Variants in MTARC1 observed in about 807,000 individuals in gnomAD.
The protein encoded by MTARC1 is mitochondrial amidoxime reducing component 1.
Under a neutral mutation model 33.6 loss-of-function variants are expected in MTARC1, and 24 were observed. That is an observed-to-expected ratio of 0.72 (90% CI 0.52 to 1.01). MTARC1 has a LOEUF of 1.01. MTARC1 is among the 50% of genes least tolerant of loss of function. MTARC1 has a pLI of 0.00. For missense variants in MTARC1, 417 were observed against 445.7 expected, an observed-to-expected ratio of 0.94 and a Z score of 0.58; for synonymous variants, 187 against 189.5, an observed-to-expected ratio of 0.99 and a Z score of 0.11.
intron 2 of MTARC1, chr1:220,793,467 C>G (rs1358734391): frequency 6.6e-6 from 1 of 152,206 alleles, no homozygotes; most frequent in Non-Finnish European, 1.5e-5. Flanking sequence ...AGTATACAGA[C>G]TCTTCGAGCA....
At chr1:220,790,207 G>A (rs1672378996) in intron 1 of MTARC1, among the ~76,000 whole-genome samples, 1 of 152,018 alleles carries the variant, frequency 6.6e-6, no homozygotes, top group Non-Finnish European at 1.5e-5. Flanking sequence ...GAGTGTGCTA[G>A]GTATTTTATG....
chr1:220,808,884 C>T, intron 6 of MTARC1: 1 of 471,072 alleles, frequency 2.1e-6, no homozygotes, highest in South Asian at 1.5e-5. Context: ...CACTGATCCC[C>T]ATGGTTGAAG....
chr1:220,815,046 T>A lies in MTARC1; in HGVS notation c.*1628T>A, dbSNP rs569489960. On this transcript the variant is annotated 3_prime_UTR_variant, in exon 7 of 7. Coordinates refer to ENST00000366910, the MANE Select transcript of MTARC1 (RefSeq NM_022746.4). Reference sequence around the variant, plus strand: ...GGTTGGTGAATTATTACAGTTTGTTTTCTGCATGCTTGGCATGAGGTGAAT... The same window carrying A: ...GGTTGGTGAATTATTACAGTTTGTTATCTGCATGCTTGGCATGAGGTGAAT... 6.6e-6 allele frequency: 1 copy of A among 152,374 alleles called. No homozygotes were observed. Among genetic ancestry groups the A allele is most frequent in the South Asian group, 2.1e-4 (1 of 4,826 alleles). 9.4% of individuals were successfully genotyped at this position (152,374 alleles called of 1,614,324 possible). A position where few individuals can be genotyped will look rare whatever the true frequency, so the allele number is the denominator to read the frequency against.
At position 220,798,685 on chromosome 1, in the gene MTARC1, G is replaced by A. The variant is rs72472305; in HGVS notation, c.753+671G>A. 6.0e-5 allele frequency: 46 copies of A among 762,584 alleles called. No homozygotes were observed. The East Asian group carries it at 4.4e-3, about 72-fold the overall frequency. The allele number at this position is 762,584 out of a possible 1,614,324, so 47.2% of individuals were successfully genotyped here. A position where few individuals can be genotyped will look rare whatever the true frequency, so the allele number is the denominator to read the frequency against. On this transcript the variant is annotated intron_variant, in intron 4 of 6. Coordinates refer to ENST00000366910, the MANE Select transcript of MTARC1 (RefSeq NM_022746.4). The stretch of plus-strand genomic sequence containing the variant: ...TTGGTGGCCTAGAGGCATGGTGAGT[G>A]GCCACCAGCTGTGGATACTCAACAG...
rs200533602 is a variant in MTARC1 at position 220,788,018 on chromosome 1, AG to A, written c.275+800del. Reference sequence around the variant, plus strand: ...GCGAGACTCCGAATCAAAAAAAGAAAGAAAGAAAGAAAGAGTTGTGGGGGCA... The same window carrying A: ...GCGAGACTCCGAATCAAAAAAAGAAAAAAGAAAGAAAGAGTTGTGGGGGCA... On this transcript the variant is annotated intron_variant, in intron 1 of 6. Coordinates refer to ENST00000366910, the MANE Select transcript of MTARC1 (RefSeq NM_022746.4). 2.6e-3 allele frequency among the ~76,000 whole-genome samples: 386 copies of A among 151,328 alleles called. 6 individuals carry two copies. In the East Asian group the frequency reaches 0.051, roughly 20 times the overall value.
intron 6 of MTARC1, chr1:220,809,076 C>T (rs1192208273): frequency 2.6e-6 from 1 of 385,262 alleles, no homozygotes; most frequent in Non-Finnish European, 5.1e-6. Flanking sequence ...GAGCTAAACA[C>T]AGAATATATA....
chr1:220,809,176 G>C (rs1442454417), intron 6 of MTARC1, among the ~76,000 whole-genome samples: 1 of 152,168 alleles, frequency 6.6e-6, no homozygotes, highest in East Asian at 1.9e-4. Context: ...AGTCGCTTAG[G>C]CTCTTCAAGT....
At position 220,787,006 on chromosome 1, in the gene MTARC1, G is replaced by C; in HGVS notation, c.62G>C (p.Gly21Ala). The change falls in exon 1 of 7, where the codon GGG becomes GCG. Residue 21 changes from glycine (G) to alanine (A), a missense_variant. Coordinates refer to ENST00000366910, the MANE Select transcript of MTARC1 (RefSeq NM_022746.4). ...GTCCTCCTCGCGCAATCCCGGCCCGGGTGGCTCGGGGTTGCCGCGCTGGGC... is the reference window on the plus strand; with the variant it reads ...GTCCTCCTCGCGCAATCCCGGCCCGCGTGGCTCGGGGTTGCCGCGCTGGGC... ...RFVLLAQSRP[G>A]WLGVAALGLT... 7.7e-7 allele frequency: 1 copy of C among 1,301,000 alleles called. No homozygotes were observed. The highest frequency in any genetic ancestry group is 9.7e-7 in the Non-Finnish European group (1 of 1,032,350). The allele number at this position is 1,301,000 out of a possible 1,614,324, so 80.6% of individuals were successfully genotyped here.
rs185455922 is a variant in MTARC1, at chr1:220,814,043, A to C, written c.*625A>C. 1.6e-3 allele frequency: 241 copies of C among 153,258 alleles called. No individual in the cohort carries two copies. Among genetic ancestry groups the C allele is most frequent in the Non-Finnish European group, 2.9e-3 (198 of 68,712 alleles). 9.5% of individuals were successfully genotyped at this position (153,258 alleles called of 1,614,324 possible). ...AGCATTGGATTTCCTAAAGGTGCTC[A>C]GGAGGATGGTTGTGTAGTCATGGAG... On this transcript the variant is annotated 3_prime_UTR_variant, in exon 7 of 7. Coordinates refer to ENST00000366910, the MANE Select transcript of MTARC1 (RefSeq NM_022746.4).
At chr1:220,806,438 A>G (rs567646729) in intron 6 of MTARC1, among the ~76,000 whole-genome samples, 2 of 152,304 alleles carry the variant, frequency 1.3e-5, no homozygotes, top group South Asian at 2.1e-4. Flanking sequence ...AGATGTGACT[A>G]TCTTGTATCC....
rs1673335687 is a variant in MTARC1 at position 220,819,126 on chromosome 1, A to T, written c.*5708A>T. On this transcript the variant is annotated 3_prime_UTR_variant, in exon 7 of 7. Transcript: ENST00000366910. ...ACCAAGGCTGTAATGGTTTGTTATGATGACCTTTGTTATTCCATTAGGCTC... is the reference window on the plus strand; with the variant it reads ...ACCAAGGCTGTAATGGTTTGTTATGTTGACCTTTGTTATTCCATTAGGCTC... 6.6e-6 allele frequency: 1 copy of T among 152,204 alleles called. No homozygotes were observed. The highest frequency in any genetic ancestry group is 2.4e-5 in the African/African-American group (1 of 41,436). The allele number at this position is 152,204 out of a possible 1,614,324, so 9.4% of individuals were successfully genotyped here. A position where few individuals can be genotyped will look rare whatever the true frequency, so the allele number is the denominator to read the frequency against.
At chr1:220,799,126 A>T (rs1008100562) in intron 4 of MTARC1, 101 of 985,322 alleles carry the variant, frequency 1.0e-4, no homozygotes, top group Non-Finnish European at 1.2e-4. Flanking sequence ...TGGATAATGT[A>T]ATTTATGAGA....
intron 1 of MTARC1, among the ~76,000 whole-genome samples, chr1:220,790,345 G>C (rs1672383704): frequency 6.6e-6 from 1 of 152,198 alleles, no homozygotes; most frequent in African/African-American, 2.4e-5. Context: ...CCTTGTTTAG[G>C]AGTTGGTTTT....
chr1:220,810,751 C>T (rs1248266040), intron 6 of MTARC1, among the ~76,000 whole-genome samples: 2 of 152,080 alleles, frequency 1.3e-5, no homozygotes, highest in African/African-American at 4.8e-5. Flanking sequence ...TGAGACCCCT[C>T]GGTTCTTCTC....
In MTARC1 at chr1:220,813,325, A is replaced by T; in HGVS notation, c.921A>T (p.Leu307Phe). 6.2e-7 allele frequency: 1 copy of T among 1,614,154 alleles called. No homozygotes were observed. Among genetic ancestry groups the T allele is most frequent in the Non-Finnish European group, 8.5e-7 (1 of 1,180,044 alleles). Reference sequence around the variant, plus strand: ...AGTGTGACCCTTCAGAACGAAAGTTATATGGAAAATCACCACTCTTTGGGC... The same window carrying T: ...AGTGTGACCCTTCAGAACGAAAGTTTTATGGAAAATCACCACTCTTTGGGC... ...YRQCDPSERK[L>F]YGKSPLFGQY... Residue 307 changes from leucine (L) to phenylalanine (F), a missense_variant, in exon 7 of 7, where the codon TTA becomes TTT. By Grantham distance (22) the Leu-to-Phe change is conservative. Coordinates refer to ENST00000366910, the MANE Select transcript of MTARC1 (RefSeq NM_022746.4).
Position 220,786,967 on chromosome 1 carries a change from C to A in MTARC1, c.23C>A (p.Ala8Glu). 1 of 1,250,996 alleles carries A rather than the reference C, an allele frequency of 8.0e-7. No homozygotes were observed. The highest frequency in any genetic ancestry group is 1.0e-6 in the Non-Finnish European group (1 of 1,001,060). 77.5% of individuals were successfully genotyped at this position (1,250,996 alleles called of 1,614,324 possible). A position where few individuals can be genotyped will look rare whatever the true frequency, so the allele number is the denominator to read the frequency against. The part of the protein sequence containing the change: MGAAGSS[A>E]LARFVLLAQS... ...GCCATGGGCGCCGCCGGCTCCTCCG[C>A]GCTGGCGCGCTTTGTCCTCCTCGCG... Residue 8 changes from alanine to glutamate, a missense_variant, in exon 1 of 7, where the codon GCG (alanine) becomes GAG (glutamate). Coordinates refer to ENST00000366910, the MANE Select transcript of MTARC1 (RefSeq NM_022746.4).
At chr1:220,813,175 G>A in intron 6 of MTARC1, 117 bp from the exon 7 acceptor site, 3 of 1,388,946 alleles carry the variant, frequency 2.2e-6, no homozygotes, top group South Asian at 2.5e-5. Context: ...GAGCTTTGAC[G>A]GGATGGTGCC....
intron 6 of MTARC1, among the ~76,000 whole-genome samples, chr1:220,805,823 C>T (rs2102604712): frequency 6.6e-6 from 1 of 152,148 alleles, no homozygotes; most frequent in Admixed American, 6.5e-5. Flanking sequence ...TTTATGTTTA[C>T]TTTAAAATTT....
At chr1:220,792,227 G>A (rs571192605) in intron 2 of MTARC1, among the ~76,000 whole-genome samples, 1 of 152,296 alleles carries the variant, frequency 6.6e-6, no homozygotes, top group African/African-American at 2.4e-5. Context: ...GAATGAGGCT[G>A]GGGATGTAAC....
Sources: allele counts gnomAD v4.1 joint callset (sites outside exome capture counted in the v4.1 genomes callset), GRCh38; gene constraint gnomAD v4.1.1; transcripts MANE v1.5; gene names NCBI Gene and HGNC (gene_info 2026-07-23, HGNC 2026-07-21).